HYDIN: variants seen among roughly 807,000 people sequenced by gnomAD.
HYDIN encodes axonemal central pair apparatus protein HYDIN.
A neutral mutation model predicts 403.9 loss-of-function variants in HYDIN; 132 were observed. That is an observed-to-expected ratio of 0.33 (90% CI 0.28 to 0.38). HYDIN has a LOEUF of 0.38. HYDIN is among the 10% of genes least tolerant of loss of function. The pLI, the probability that HYDIN is intolerant of heterozygous loss-of-function variation, is 1.00. For missense variants in HYDIN, 2,827 were observed against 5,009.5 expected, an observed-to-expected ratio of 0.56 and a Z score of 13.15; for synonymous variants, 1,202 against 1,891.7, an observed-to-expected ratio of 0.64 and a Z score of 9.46.
chr16:71,110,476 A>T (rs373640423), intron 10 of HYDIN, among the ~76,000 whole-genome samples: 1 of 141,978 alleles, frequency 7.0e-6, no homozygotes, highest in Admixed American at 7.2e-5. Flanking sequence ...AACATATATA[A>T]ATATATATAA....
At chr16:71,110,123 T>G (rs1597798654) in intron 10 of HYDIN, among the ~76,000 whole-genome samples, 1 of 141,220 alleles carries the variant, frequency 7.1e-6, no homozygotes, top group East Asian at 2.0e-4. Flanking sequence ...CAGGATTCAC[T>G]TAGTCATTTT....
chr16:71,218,058 T>C (rs553701278), intron 1 of HYDIN, among the ~76,000 whole-genome samples: 209 of 152,240 alleles, frequency 1.4e-3, no homozygotes, highest in Non-Finnish European at 2.6e-3. Flanking sequence ...GATTTTTTCA[T>C]AAACAAACAT....
rs2035055740 is a variant in HYDIN, at chr16:70,805,151, TC to T, written c.*2428del. Among the ~76,000 whole-genome samples, 2 of 152,218 alleles carry T rather than the reference TC, an allele frequency of 1.3e-5. No individual in the cohort carries two copies. The highest frequency in any genetic ancestry group is 4.1e-4 in the South Asian group (2 of 4,830). On this transcript the variant is annotated 3_prime_UTR_variant, in exon 86 of 86. Transcript: ENST00000393567. Reference sequence around the variant, plus strand: ...CACATTTTGGGGAGGGTTAATTTCATCAACTAGGTCCTATGCAGATTTGGTA... The same window carrying T: ...CACATTTTGGGGAGGGTTAATTTCATAACTAGGTCCTATGCAGATTTGGTA...
chr16:71,047,232 C>T (rs1047903675), intron 18 of HYDIN, among the ~76,000 whole-genome samples: 3 of 151,928 alleles, frequency 2.0e-5, no homozygotes, highest in South Asian at 2.1e-4. Flanking sequence ...TTAATTTTGG[C>T]TTCATATTAT....
At chr16:70,904,478 CTTTTTTTTTTTTTTTTTTT>C (rs76148650) in intron 50 of HYDIN, among the ~76,000 whole-genome samples, 3 of 25,218 alleles carry the variant, frequency 1.2e-4, no homozygotes, top group South Asian at 2.2e-3. Context: ...ACTTGAGTAA[CTTTTTTTTTTTTTTTTTTT>C]TTTTTTTTTT....
intron 6 of HYDIN, among the ~76,000 whole-genome samples, chr16:71,160,367 C>T (rs970659662): frequency 1.4e-5 from 2 of 137,958 alleles, no homozygotes; most frequent in South Asian, 2.6e-4. Flanking sequence ...ACCAGATCCC[C>T]GTATAAACCT....
chr16:71,037,798 G>A (rs2081143588), intron 18 of HYDIN, among the ~76,000 whole-genome samples: 2 of 152,320 alleles, frequency 1.3e-5, no homozygotes, highest in South Asian at 2.1e-4. Flanking sequence ...CAAGACTCCC[G>A]AAAGGAATGC....
intron 85 of HYDIN, 109 bp downstream of exon 85, chr16:70,809,674 C>T (rs2035335170): frequency 3.4e-6 from 3 of 887,064 alleles, no homozygotes; most frequent in African/African-American, 3.3e-5. Flanking sequence ...CAACGAAGCA[C>T]CTGAGTCTCT....
chr16:71,030,940 C>T (rs2080884136), intron 19 of HYDIN, among the ~76,000 whole-genome samples: 1 of 151,936 alleles, frequency 6.6e-6, no homozygotes, highest in African/African-American at 2.4e-5. Context: ...GTGGCTCATG[C>T]CTGTAATCCC....
At chr16:71,040,489 CCCCCT>C (rs2081251659) in intron 18 of HYDIN, among the ~76,000 whole-genome samples, 1 of 145,446 alleles carries the variant, frequency 6.9e-6, no homozygotes, top group African/African-American at 2.5e-5. Context: ...CTCCCCGCAC[CCCCCT>C]CCCCCCCACA....
At chr16:71,179,928 T>C (rs1480069918) in intron 3 of HYDIN, among the ~76,000 whole-genome samples, 2 of 152,196 alleles carry the variant, frequency 1.3e-5, no homozygotes, top group African/African-American at 4.8e-5. Context: ...CTGGGGCACC[T>C]TGGCACACAG....
At chr16:71,143,922 TA>T (rs1460282140) in intron 7 of HYDIN, among the ~76,000 whole-genome samples, 5 of 152,238 alleles carry the variant, frequency 3.3e-5, no homozygotes, top group Non-Finnish European at 7.3e-5. Context: ...GTATATTTAA[TA>T]ATAACACACC....
At chr16:71,130,478 T>TG (rs1203384628) in intron 8 of HYDIN, among the ~76,000 whole-genome samples, 1 of 131,944 alleles carries the variant, frequency 7.6e-6, no homozygotes, top group Non-Finnish European at 1.6e-5. Flanking sequence ...CGGTTTTTTT[T>TG]TTTTTTTTTT....
chr16:70,933,763 A>G (rs550430502), intron 45 of HYDIN: 1 of 154,906 alleles, frequency 6.5e-6, no homozygotes. Flanking sequence ...GCTCTTTTTC[A>G]TGTGGCTTCT....
intron 18 of HYDIN, among the ~76,000 whole-genome samples, chr16:71,036,811 T>C (rs1358439549): frequency 6.6e-6 from 1 of 152,208 alleles, no homozygotes; most frequent in Non-Finnish European, 1.5e-5. Context: ...GCCTCGAAAC[T>C]ACTCTATCAT....
intron 18 of HYDIN, among the ~76,000 whole-genome samples, chr16:71,054,471 A>C (rs2081797948): frequency 6.6e-6 from 1 of 152,060 alleles, no homozygotes; most frequent in Admixed American, 6.5e-5. Context: ...GTCTATTAGA[A>C]ATGTCTGTAG....
intron 1 of HYDIN, among the ~76,000 whole-genome samples, chr16:71,189,855 A>G (rs1037718449): frequency 6.6e-6 from 1 of 151,962 alleles, no homozygotes; most frequent in Non-Finnish European, 1.5e-5. Context: ...GAGAAATCTT[A>G]TCATTTATCC....
At chr16:71,183,719 T>C (rs1398765056) in intron 3 of HYDIN, among the ~76,000 whole-genome samples, 1 of 152,024 alleles carries the variant, frequency 6.6e-6, no homozygotes, top group Non-Finnish European at 1.5e-5. Flanking sequence ...AACAAAGAAA[T>C]ACAGTCTTCA....
intron 53 of HYDIN, 23 bp from the exon 54 acceptor site, chr16:70,896,103 T>G (rs1210632820): frequency 6.2e-6 from 10 of 1,613,534 alleles, no homozygotes; most frequent in African/African-American, 1.3e-5. Flanking sequence ...GGGAAAGTCT[T>G]CAGTAAAAGC....
Sources: gnomAD v4.1 joint callset for allele counts (sites outside exome capture counted in the v4.1 genomes callset) on GRCh38, gnomAD v4.1.1 for gene constraint, MANE v1.5 for transcripts, NCBI Gene and HGNC (gene_info 2026-07-23, HGNC 2026-07-21) for gene names.